The following GARIN2 variants were observed in gnomAD, a reference collection of about 807,000 sequenced individuals.
GARIN2 encodes the protein golgi associated RAB2 interactor family member 2, also known as Golgi-associated RAB2 interactor protein 2.
chr14:67,196,421 T>TGGCCA, the GARIN2 span, among the ~76,000 whole-genome samples: 1 of 152,002 alleles, frequency 6.6e-6, no homozygotes, highest in Non-Finnish European at 1.5e-5. Flanking sequence ...TTCACGACGT[T>TGGCCA]GGCCAGGCCA....
At chr14:67,204,682 G>A in the GARIN2 span, 1 of 1,613,908 alleles carries the variant, frequency 6.2e-7, no homozygotes, top group Non-Finnish European at 8.5e-7. Flanking sequence ...TCAATGGGTG[G>A]CCCTCATCTC....
chr14:67,204,776 C>G, the GARIN2 span: 12 of 1,613,688 alleles, frequency 7.4e-6, no homozygotes, highest in Non-Finnish European at 1.0e-5. Context: ...ACAGACATCA[C>G]AGGCTCCATG....
At chr14:67,208,552 C>CT in the GARIN2 span, 1 of 1,214,998 alleles carries the variant, frequency 8.2e-7, no homozygotes, top group Non-Finnish European at 1.1e-6. Flanking sequence ...ACTGAAGATT[C>CT]TCAGAGACAG....
the GARIN2 span, among the ~76,000 whole-genome samples, chr14:67,215,954 T>G: frequency 6.6e-6 from 1 of 152,298 alleles, no homozygotes; most frequent in East Asian, 1.9e-4. Flanking sequence ...AGATTCGCTT[T>G]TAATGCCTTT....
the GARIN2 span, among the ~76,000 whole-genome samples, chr14:67,194,655 G>A: frequency 2.0e-5 from 3 of 152,128 alleles, no homozygotes; most frequent in East Asian, 1.9e-4. Flanking sequence ...ACAGGCATGC[G>A]CCACCACACC....
At chr14:67,218,748 G>A in the GARIN2 span, among the ~76,000 whole-genome samples, 3 of 152,052 alleles carry the variant, frequency 2.0e-5, no homozygotes, top group Admixed American at 2.0e-4. Flanking sequence ...GCTTGCCCAA[G>A]GGTATATCAA....
chr14:67,206,438 G>C, the GARIN2 span, among the ~76,000 whole-genome samples: 4 of 152,108 alleles, frequency 2.6e-5, no homozygotes, highest in South Asian at 8.3e-4. Flanking sequence ...GGAGGTTGCA[G>C]TGAGCCAAGA....
At chr14:67,214,226 G>A in the GARIN2 span, among the ~76,000 whole-genome samples, 91 of 152,078 alleles carry the variant, frequency 6.0e-4, no homozygotes, top group Admixed American at 2.2e-3. Context: ...TGTTTTAGAC[G>A]TGAAGTCCTT....
the GARIN2 span, among the ~76,000 whole-genome samples, chr14:67,209,818 G>A: frequency 3.0e-5 from 4 of 132,398 alleles, no homozygotes; most frequent in African/African-American, 5.6e-5. Context: ...ACTCCATCTC[G>A]GAAAAAAAAA....
the GARIN2 span, among the ~76,000 whole-genome samples, chr14:67,192,533 G>A: frequency 6.6e-6 from 1 of 151,792 alleles, no homozygotes; most frequent in African/African-American, 2.4e-5. Context: ...CGCACACCGA[G>A]AAGGCAAAGC....
At chr14:67,223,698 T>C in the GARIN2 span, 4 of 966,628 alleles carry the variant, frequency 4.1e-6, no homozygotes, top group Non-Finnish European at 4.9e-6. Context: ...TCTTATGTAT[T>C]TCTTATTTCT....
chr14:67,225,165 C>T, the GARIN2 span: 4 of 1,583,636 alleles, frequency 2.5e-6, no homozygotes, highest in African/African-American at 5.4e-5. Flanking sequence ...CAAACTTGTG[C>T]CTCATCTGTC....
At chr14:67,194,475 C>T in the GARIN2 span, among the ~76,000 whole-genome samples, 1 of 151,872 alleles carries the variant, frequency 6.6e-6, no homozygotes, top group East Asian at 1.9e-4. Flanking sequence ...ATGATGGCTT[C>T]ACAGAACCAT....
chr14:67,204,598 G>A, the GARIN2 span: 2 of 1,613,772 alleles, frequency 1.2e-6, no homozygotes, highest in East Asian at 4.5e-5. Flanking sequence ...GAGCCTGAAA[G>A]TAAAGCTGGT....
chr14:67,222,042 G>C, the GARIN2 span: 1 of 483,880 alleles, frequency 2.1e-6, no homozygotes, highest in Admixed American at 3.9e-5. Context: ...TACTACTTCA[G>C]TTTTCTTTTT....
the GARIN2 span, among the ~76,000 whole-genome samples, chr14:67,211,776 TTGAAGTTTTGGTGAGCA>T: frequency 6.6e-6 from 1 of 152,118 alleles, no homozygotes; most frequent in East Asian, 1.9e-4. Context: ...GCCTAGGAGT[TTGAAGTTTTGGTGAGCA>T]TGATCAAGCC....
chr14:67,223,930 CA>C, the GARIN2 span: 1 of 984,958 alleles, frequency 1.0e-6, no homozygotes, highest in Non-Finnish European at 1.2e-6. Flanking sequence ...AATTGGAGTA[CA>C]AATTAAAAAT....
chr14:67,224,259 CTTTTTTTT>C, the GARIN2 span, among the ~76,000 whole-genome samples: 75 of 134,800 alleles, frequency 5.6e-4, no homozygotes, highest in Non-Finnish European at 1.0e-3. Context: ...TCTCTCTTTT[CTTTTTTTT>C]TTTTTTTTTG....
chr14:67,219,365 C>T, the GARIN2 span, among the ~76,000 whole-genome samples: 1 of 152,190 alleles, frequency 6.6e-6, no homozygotes, highest in East Asian at 1.9e-4. Context: ...CCCTCCTGGA[C>T]TTTCCATCAC....
Sources: gnomAD v4.1 joint callset for allele counts (sites outside exome capture counted in the v4.1 genomes callset) on GRCh38, gnomAD v4.1.1 for gene constraint, MANE v1.5 for transcripts, NCBI Gene and HGNC (gene_info 2026-07-23, HGNC 2026-07-21) for gene names.